SLX4IP: variants seen among roughly 807,000 people sequenced by gnomAD.
The protein encoded by SLX4IP is SLX4 interacting protein, also known as protein SLX4IP.
SLX4IP carries 34 observed loss-of-function variants against 32.9 expected under a neutral mutation model. That is an observed-to-expected ratio of 1.03 (90% confidence interval 0.79 to 1.38). SLX4IP has a LOEUF of 1.38. SLX4IP is among the 40% of genes most tolerant of loss of function. The pLI, the probability that SLX4IP is intolerant of heterozygous loss-of-function variation, is 0.00. For synonymous variants in SLX4IP, 172 were observed against 171.7 expected, an observed-to-expected ratio of 1.00 and a Z score of -0.01; for missense variants, 444 against 479.0, an observed-to-expected ratio of 0.93 and a Z score of 0.68.
At chr20:10,617,853 C>T (rs2067056683) in intron 6 of SLX4IP, among the ~76,000 whole-genome samples, 1 of 151,898 alleles carries the variant, frequency 6.6e-6, no homozygotes, top group Non-Finnish European at 1.5e-5. Flanking sequence ...GTTGCCTAGG[C>T]TGGTCTCGAA....
chr20:10,487,614 A>G (rs667547), intron 2 of SLX4IP, among the ~76,000 whole-genome samples: 59,422 of 151,974 alleles, frequency 0.39, 11,838 homozygotes, highest in Non-Finnish European at 0.43. Context: ...GCCACTTGAT[A>G]TGTAACTTGG....
At chr20:10,573,359 A>G (rs542261730) in intron 4 of SLX4IP, among the ~76,000 whole-genome samples, 1 of 152,376 alleles carries the variant, frequency 6.6e-6, no homozygotes, top group South Asian at 2.1e-4. Context: ...TTTTTCTCAC[A>G]CATTAACAAC....
intron 4 of SLX4IP, among the ~76,000 whole-genome samples, chr20:10,582,016 G>A (rs1042798770): frequency 1.3e-5 from 2 of 152,188 alleles, no homozygotes; most frequent in African/African-American, 4.8e-5. Context: ...ATTCCGTGGG[G>A]TGGATCTCCA....
rs779316182 is a variant in SLX4IP, at chr20:10,621,362, G to C, written c.454G>C (p.Glu152Gln). ...GTCTGATTACTTTGCTGAGTGTGCA[G>C]AGAGTTCACTTCCTCCCAGTGCAAA... ...GVSDYFAECA[E>Q]SSLPPSAKLR... Residue 152 changes from glutamate (E) to glutamine (Q), a missense_variant, in exon 7 of 8, where the codon GAG (glutamate) becomes CAG (glutamine). Coordinates refer to ENST00000334534, the MANE Select transcript of SLX4IP (RefSeq NM_001009608.3). 5 of 1,614,068 alleles carry C rather than the reference G, an allele frequency of 3.1e-6. No individual in the cohort carries two copies. Among genetic ancestry groups the C allele is most frequent in the Admixed American group, 1.7e-5 (1 of 60,002 alleles).
chr20:10,613,624 C>G, intron 6 of SLX4IP: 1 of 1,613,924 alleles, frequency 6.2e-7, no homozygotes, highest in Admixed American at 1.7e-5. Context: ...ATTTCTGCTT[C>G]TTTGGCCTCT....
At chr20:10,533,672 T>A (rs954694754) in intron 2 of SLX4IP, among the ~76,000 whole-genome samples, 1 of 142,226 alleles carries the variant, frequency 7.0e-6, no homozygotes. Flanking sequence ...CAGGCTGAAA[T>A]GCAATGGCAT....
intron 6 of SLX4IP, among the ~76,000 whole-genome samples, chr20:10,607,247 C>T (rs111969781): frequency 0.024 from 3,653 of 152,174 alleles, 101 homozygotes; most frequent in Admixed American, 0.088. Flanking sequence ...TCTCTTTTGC[C>T]CCTTAGCAGC....
At chr20:10,599,766 C>T (rs1236153000) in intron 5 of SLX4IP, among the ~76,000 whole-genome samples, 1 of 152,164 alleles carries the variant, frequency 6.6e-6, no homozygotes, top group Non-Finnish European at 1.5e-5. Flanking sequence ...GTCAGCTAAC[C>T]TTGCACTTGT....
intron 2 of SLX4IP, among the ~76,000 whole-genome samples, chr20:10,513,654 G>A (rs1430170261): frequency 1.3e-5 from 2 of 152,204 alleles, no homozygotes; most frequent in Non-Finnish European, 2.9e-5. Flanking sequence ...GCTGCCTTTT[G>A]CATTAGAGCT....
At chr20:10,609,162 T>C (rs1316508560) in intron 6 of SLX4IP, among the ~76,000 whole-genome samples, 1 of 152,150 alleles carries the variant, frequency 6.6e-6, no homozygotes, top group Non-Finnish European at 1.5e-5. Flanking sequence ...CACATTGAGA[T>C]ACGGCTTTGG....
intron 2 of SLX4IP, among the ~76,000 whole-genome samples, chr20:10,535,012 GC>G (rs968192789): frequency 1.3e-5 from 2 of 152,184 alleles, no homozygotes; most frequent in Non-Finnish European, 2.9e-5. Flanking sequence ...GGAGTGGAAG[GC>G]CCCTCCAAAG....
chr20:10,563,687 G>T (rs2066356943), intron 4 of SLX4IP, among the ~76,000 whole-genome samples: 2 of 152,068 alleles, frequency 1.3e-5, no homozygotes, highest in Admixed American at 1.3e-4. Flanking sequence ...TATGGTTCTT[G>T]GCACCTTTGT....
intron 2 of SLX4IP, among the ~76,000 whole-genome samples, chr20:10,511,876 A>C (rs1307402226): frequency 6.6e-6 from 1 of 152,264 alleles, no homozygotes; most frequent in Non-Finnish European, 1.5e-5. Context: ...TAAGTATGAA[A>C]CTAAAATTTA....
chr20:10,464,728 A>G lies in SLX4IP; in HGVS notation c.27+6497A>G, dbSNP rs556771446. 3.1e-4 allele frequency among the ~76,000 whole-genome samples: 47 copies of G among 152,342 alleles called. No individual in the cohort carries two copies. The South Asian group carries it at 9.5e-3, about 31-fold the overall frequency. ...GACTGCCCTTGGAATGGCATTAATT[A>G]TTCATGCAAACGACTTACCCATCTG... On this transcript the variant is annotated intron_variant, in intron 2 of 7. Coordinates refer to ENST00000334534, the MANE Select transcript of SLX4IP (RefSeq NM_001009608.3).
chr20:10,491,191 A>C (rs1013536188), intron 2 of SLX4IP, among the ~76,000 whole-genome samples: 2 of 152,236 alleles, frequency 1.3e-5, no homozygotes, highest in Non-Finnish European at 2.9e-5. Context: ...GGCTAATCGC[A>C]TAAGGAACAC....
chr20:10,539,920 C>T (rs975389265), intron 2 of SLX4IP, among the ~76,000 whole-genome samples: 1 of 152,300 alleles, frequency 6.6e-6, no homozygotes, highest in East Asian at 1.9e-4. Context: ...CTCTTCTAGG[C>T]CAGTGAATCT....
At chr20:10,586,010 G>GC (rs1188822805) in intron 4 of SLX4IP, among the ~76,000 whole-genome samples, 2 of 152,098 alleles carry the variant, frequency 1.3e-5, no homozygotes, top group East Asian at 3.9e-4. Flanking sequence ...ACCTTAGGAA[G>GC]CTACCACTCA....
At chr20:10,540,091 C>CTTCCTTCCT (rs2066087004) in intron 2 of SLX4IP, among the ~76,000 whole-genome samples, 1 of 70,594 alleles carries the variant, frequency 1.4e-5, no homozygotes, top group African/African-American at 4.6e-5. Flanking sequence ...TCTCTCCTTC[C>CTTCCTTCCT]TTCCTTTCCT....
intron 1 of SLX4IP, among the ~76,000 whole-genome samples, chr20:10,446,378 C>A (rs2122324182): frequency 6.9e-6 from 1 of 145,764 alleles, no homozygotes; most frequent in African/African-American, 2.6e-5. Flanking sequence ...GGCCACTGCA[C>A]TACAGCCTGG....
Sources: allele counts gnomAD v4.1 joint callset (sites outside exome capture counted in the v4.1 genomes callset), GRCh38; gene constraint gnomAD v4.1.1; transcripts MANE v1.5; gene names NCBI Gene and HGNC (gene_info 2026-07-23, HGNC 2026-07-21).